PIGV: variants seen among roughly 807,000 people sequenced by gnomAD.
PIGV encodes phosphatidylinositol glycan anchor biosynthesis class V.
PIGV carries 27 observed loss-of-function variants against 39.2 expected under a neutral mutation model. The observed-to-expected ratio is 0.69, with a 90% CI of 0.51 to 0.95. The LOEUF (loss-of-function observed/expected upper bound fraction) is 0.95. Ranked by LOEUF, PIGV falls within the 40% of genes least tolerant of loss-of-function variation. The probability of loss-of-function intolerance (pLI) is 0.00; values close to 1 mark genes in which losing one functional copy is unlikely to be tolerated. For synonymous variants in PIGV, 232 were observed against 241.7 expected, an observed-to-expected ratio of 0.96 and a Z score of 0.37; for missense variants, 523 against 586.4, an observed-to-expected ratio of 0.89 and a Z score of 1.12.
intron 2 of PIGV, 108 bp downstream of exon 2, chr1:26,791,001 G>A (rs1301274168): frequency 1.1e-6 from 1 of 893,948 alleles, no homozygotes; most frequent in African/African-American, 1.6e-5. Flanking sequence ...CCCTCCATGT[G>A]GTTGGAACCA....
chr1:26,796,166 T>G (rs1000258647), intron 3 of PIGV, among the ~76,000 whole-genome samples: 4 of 142,520 alleles, frequency 2.8e-5, no homozygotes, highest in Non-Finnish European at 6.1e-5. Flanking sequence ...GGCCTGAGAT[T>G]TTTTTTTTTT....
chr1:26,788,388 A>G (rs2081265641), intron 1 of PIGV, 120 bp downstream of exon 1: 1 of 152,190 alleles, frequency 6.6e-6, no homozygotes, highest in South Asian at 2.1e-4. Context: ...GGCTCTGAGG[A>G]CCCTGGGTCA....
chr1:26,794,009 TG>T, intron 2 of PIGV, 103 bp from the exon 3 acceptor site: 1 of 1,089,252 alleles, frequency 9.2e-7, no homozygotes, highest in Non-Finnish European at 1.4e-6. Context: ...CCTGCCAAAG[TG>T]GGGATTACAG....
chr1:26,790,936 G>C lies in PIGV; in HGVS notation c.78+43G>C, dbSNP rs748864978. On this transcript the variant is annotated intron_variant, in intron 2 of 3. Coordinates refer to ENST00000674202, the MANE Select transcript of PIGV (RefSeq NM_017837.4). ...TGTCCTGAATGTGCTATTGCTACATGACTGGACTAGGCAGTAAGAAGTGTC... is the reference window on the plus strand; with the variant it reads ...TGTCCTGAATGTGCTATTGCTACATCACTGGACTAGGCAGTAAGAAGTGTC... The C allele has an allele frequency of 1.5e-5, 23 of 1,490,736 alleles. No individual in the cohort carries two copies. The East Asian group carries it at 5.2e-4, about 34-fold the overall frequency. 92.3% of individuals were successfully genotyped at this position (1,490,736 alleles called of 1,614,324 possible).
chr1:26,798,143 A>G lies in PIGV; in HGVS notation c.*299A>G, dbSNP rs1267441885. 3 of 421,828 alleles carry G rather than the reference A, an allele frequency of 7.1e-6. No homozygotes were observed. The highest frequency in any genetic ancestry group is 1.3e-5 in the Non-Finnish European group (3 of 225,784). 26.1% of individuals were successfully genotyped at this position (421,828 alleles called of 1,614,324 possible). ...ATCAACATAGCAGAGACAGTCTTAA[A>G]CCTACCATTGACCTGTGTGTAAATT... On this transcript the variant is annotated 3_prime_UTR_variant, in exon 4 of 4. Coordinates refer to ENST00000674202, the MANE Select transcript of PIGV (RefSeq NM_017837.4).
rs189958204 is a variant in PIGV at position 26,795,300 on chromosome 1, G to T, written c.1200+66G>T. On this transcript the variant is annotated intron_variant, in intron 3 of 3. Coordinates refer to ENST00000674202, the MANE Select transcript of PIGV (RefSeq NM_017837.4). ...GCAAAACCCCTTGGCCAAGGACAGG[G>T]AAGGCAGCTAACATCTCCCGTTTGA... The T allele has an allele frequency of 7.6e-6, 12 of 1,579,620 alleles. No individual in the cohort carries two copies. The East Asian group carries it at 2.5e-4, about 32-fold the overall frequency.
chr1:26,791,718 G>A (rs1049805001), intron 2 of PIGV, among the ~76,000 whole-genome samples: 5 of 152,148 alleles, frequency 3.3e-5, no homozygotes, highest in Non-Finnish European at 5.9e-5. Context: ...GCTGGGTTTC[G>A]AGATTAGTTA....
chr1:26,788,060 G>A lies in PIGV; in HGVS notation c.-266G>A, dbSNP rs1174603473. 2 of 152,396 alleles carry A rather than the reference G, an allele frequency of 1.3e-5. No homozygotes were observed. Among genetic ancestry groups the A allele is most frequent in the Admixed American group, 1.3e-4 (2 of 15,292 alleles). 9.4% of individuals were successfully genotyped at this position (152,396 alleles called of 1,614,324 possible). On this transcript the variant is annotated 5_prime_UTR_variant, in exon 1 of 4. Transcript: ENST00000674202. ...CCCGCGCCAGCTTGGGAGCCCTGGA[G>A]TTCTGGCGGGAGGGAAGCTGTCAAA...
rs2081423153 is a variant in PIGV, at chr1:26,799,125, G to C, written c.*1281G>C. Among the ~76,000 whole-genome samples the C allele has an allele frequency of 6.6e-6, 1 of 152,172 alleles. No individual in the cohort carries two copies. Among genetic ancestry groups the C allele is most frequent in the East Asian group, 1.9e-4 (1 of 5,202 alleles). ...AATTAGAAGAAACTCCTCCTCCACC[G>C]AGTGCAACTCTTGGGAGTAATTTAG... is the stretch of plus-strand genomic sequence containing the variant. On this transcript the variant is annotated 3_prime_UTR_variant, in exon 4 of 4. Transcript: ENST00000674202.
chr1:26,788,551 G>C (rs1411052312), intron 1 of PIGV: 1 of 152,372 alleles, frequency 6.6e-6, no homozygotes, highest in East Asian at 1.9e-4. Context: ...ACTGGGCTAG[G>C]CGTTTGGGTG....
At chr1:26,795,977 A>G (rs1251796862) in intron 3 of PIGV, among the ~76,000 whole-genome samples, 1 of 148,426 alleles carries the variant, frequency 6.7e-6, no homozygotes, top group African/African-American at 2.5e-5. Flanking sequence ...TTCTGCCTCA[A>G]TCTCCCGAGT....
In PIGV at chr1:26,800,636, G is replaced by A. The variant is rs1249491847; in HGVS notation, c.*2792G>A. ...AATTGTTTATTAATGCCTATTTTAGGGGAATAAAGATGACTCAGCTATGCC... is the reference window on the plus strand; with the variant it reads ...AATTGTTTATTAATGCCTATTTTAGAGGAATAAAGATGACTCAGCTATGCC... On this transcript the variant is annotated 3_prime_UTR_variant, in exon 4 of 4. Transcript: ENST00000674202. 6.6e-6 allele frequency among the ~76,000 whole-genome samples: 1 copy of A among 152,000 alleles called. No individual in the cohort carries two copies. Among genetic ancestry groups the A allele is most frequent in the Non-Finnish European group, 1.5e-5 (1 of 68,002 alleles).
chr1:26,794,128 A>G lies in PIGV; in HGVS notation c.94A>G (p.Ile32Val), dbSNP rs147565152. The change falls in exon 3 of 4, where the codon ATC (isoleucine) becomes GTC (valine). Residue 32 changes from isoleucine to valine, a missense_variant. Coordinates refer to ENST00000674202, the MANE Select transcript of PIGV (RefSeq NM_017837.4). ...TLMLQALFNA[I>V]IPDHHAEAFS... ...TACTCCACAGGCCCTCTTCAATGCC[A>G]TCATCCCAGATCACCATGCAGAAGC... 68 of 1,614,222 alleles carry G rather than the reference A, an allele frequency of 4.2e-5. No homozygotes were observed. In the African/African-American group the frequency reaches 7.1e-4, roughly 17 times the overall value.
chr1:26,795,465 C>T (rs1259079956), intron 3 of PIGV, among the ~76,000 whole-genome samples: 1 of 152,074 alleles, frequency 6.6e-6, no homozygotes, highest in Non-Finnish European at 1.5e-5. Context: ...ATAATCCCAG[C>T]AATTTGGGAG....
rs2124196645 is a variant in PIGV at position 26,794,901 on chromosome 1, G to A, written c.867G>A (p.Glu289=). The A allele has an allele frequency of 2.5e-6, 4 of 1,614,184 alleles. No individual in the cohort carries two copies. The highest frequency in any genetic ancestry group is 3.4e-6 in the Non-Finnish European group (4 of 1,180,028). The change falls in exon 3 of 4, where the codon GAG becomes GAA. Residue 289 remains glutamate (E), a synonymous_variant. Coordinates refer to ENST00000674202, the MANE Select transcript of PIGV (RefSeq NM_017837.4). ...LAVDKGYRIA[E]GNEPPWCFWD... The stretch of plus-strand genomic sequence containing the variant: ...TAGACAAGGGCTACCGGATTGCAGA[G>A]GGAAATGAACCGCCTTGGTGCTTCT...
Position 26,794,956 on chromosome 1 carries a change from C to T in PIGV, c.922C>T (p.Gln308Ter). Residue 308 changes from glutamine to a stop codon, truncating the protein, a stop_gained, in exon 3 of 4, where the codon CAG becomes TAG. Transcript: ENST00000674202. LOFTEE classifies it high-confidence loss of function. ...WDVPLIYSYI[Q>*]DVYWNVGFLK... ...TGTTCCACTAATATACAGCTATATCCAGGATGTCTACTGGAATGTTGGCTT... is the reference window on the plus strand; with the variant it reads ...TGTTCCACTAATATACAGCTATATCTAGGATGTCTACTGGAATGTTGGCTT... The T allele has an allele frequency of 6.2e-7, 1 of 1,614,170 alleles. No homozygotes were observed. Among genetic ancestry groups the T allele is most frequent in the African/African-American group, 1.3e-5 (1 of 75,052 alleles).
At chr1:26,789,677 T>C (rs1351589326) in intron 1 of PIGV, among the ~76,000 whole-genome samples, 2 of 152,226 alleles carry the variant, frequency 1.3e-5, no homozygotes, top group African/African-American at 2.4e-5. Context: ...AATGAGGGCA[T>C]AGCACACTGT....
chr1:26,795,212 G>A lies in PIGV; in HGVS notation c.1178G>A (p.Gly393Glu). 1 of 1,613,858 alleles carries A rather than the reference G, an allele frequency of 6.2e-7. No homozygotes were observed. Among genetic ancestry groups the A allele is most frequent in the Non-Finnish European group, 8.5e-7 (1 of 1,180,050 alleles). The change falls in exon 3 of 4, where the codon GGA (glycine) becomes GAA (glutamate). Residue 393 changes from glycine to glutamate, a missense_variant. Coordinates refer to ENST00000674202, the MANE Select transcript of PIGV (RefSeq NM_017837.4). ...VVHAAVLLLF[G>E]GLCMHVQVLT... The stretch of plus-strand genomic sequence containing the variant: ...CACGCTGCAGTGCTGCTGCTGTTTG[G>A]AGGTCTGTGCATGCATGTTCAGGTG...
Position 26,797,687 on chromosome 1 carries a change from A to C in PIGV, c.1325A>C (p.Asp442Ala). The C allele has an allele frequency of 6.2e-7, 1 of 1,613,894 alleles. No homozygotes were observed. Among genetic ancestry groups the C allele is most frequent in the African/African-American group, 1.3e-5 (1 of 74,930 alleles). The change falls in exon 4 of 4, where the codon GAC becomes GCC. Residue 442 changes from aspartate to alanine, a missense_variant. Coordinates refer to ENST00000674202, the MANE Select transcript of PIGV (RefSeq NM_017837.4). ...GTGCCTTGGAAGCCTCTTGCAGAGG[A>C]CTCCCCACCAGGACAAAAGGTCCCC... ...KTVPWKPLAEDSPPGQKVPRN... is the reference protein window; with the variant it reads ...KTVPWKPLAEASPPGQKVPRN...
Sources: gnomAD v4.1 joint callset for allele counts (sites outside exome capture counted in the v4.1 genomes callset) on GRCh38, gnomAD v4.1.1 for gene constraint, MANE v1.5 for transcripts, NCBI Gene and HGNC (gene_info 2026-07-23, HGNC 2026-07-21) for gene names.